The following MTDH variants were observed in gnomAD, a reference collection of about 807,000 sequenced individuals.
MTDH encodes metadherin.
MTDH carries 34 observed loss-of-function variants against 72.7 expected under a neutral mutation model. That is an observed-to-expected ratio of 0.47 (90% CI 0.36 to 0.62). The LOEUF (loss-of-function observed/expected upper bound fraction) is 0.62, where lower values mean the gene tolerates loss of function less well. Ranked by LOEUF, MTDH falls within the 20% of genes least tolerant of loss-of-function variation. MTDH has a pLI of 0.00. For missense variants in MTDH, 677 were observed against 699.4 expected (o/e 0.97, Z 0.36); for synonymous variants, 266 against 268.9 (o/e 0.99, Z 0.10).
At position 97,644,843 on chromosome 8, in the gene MTDH, G is replaced by A; in HGVS notation, c.337G>A (p.Glu113Lys). The A allele has an allele frequency of 1.3e-6, 2 of 1,577,784 alleles. No individual in the cohort carries two copies. The highest frequency in any genetic ancestry group is 1.7e-6 in the Non-Finnish European group (2 of 1,169,200). ...CTTGCTGAAGAATCTCCGGAGCGAG[G>A]AACAGAAGAAGAAGAACCGGAAGAA... ...LALLKNLRSE[E>K]QKKKNRKKLS... Residue 113 changes from glutamate (E) to lysine (K), a missense_variant, in exon 1 of 12, where the codon GAA becomes AAA. Glu to Lys is a moderately conservative substitution (Grantham distance 56). Around this residue, in one of 3 missense-constraint regions of MTDH, gnomAD observed 467 missense variants for 469.1 expected, o/e 1.00. Transcript: ENST00000336273.
At chr8:97,655,045 C>G (rs919699912) in intron 1 of MTDH, among the ~76,000 whole-genome samples, 1 of 151,670 alleles carries the variant, frequency 6.6e-6, no homozygotes, top group East Asian at 1.9e-4. Flanking sequence ...TGAGTCGAGC[C>G]GAGATCACAC....
At chr8:97,672,655 C>T (rs1164494946) in intron 2 of MTDH, among the ~76,000 whole-genome samples, 1 of 152,068 alleles carries the variant, frequency 6.6e-6, no homozygotes, top group Non-Finnish European at 1.5e-5. Flanking sequence ...ATGGTTTTAC[C>T]TTACACAGGA....
chr8:97,673,452 A>T (rs1812713313), intron 2 of MTDH, among the ~76,000 whole-genome samples: 1 of 152,184 alleles, frequency 6.6e-6, no homozygotes, highest in Non-Finnish European at 1.5e-5. Context: ...TGAGGTCAGG[A>T]GTTCAAGACC....
At chr8:97,661,918 CAAAA>C (rs11440340) in intron 2 of MTDH, among the ~76,000 whole-genome samples, 18 of 110,286 alleles carry the variant, frequency 1.6e-4, no homozygotes, top group African/African-American at 2.5e-4. Flanking sequence ...GACCCTGTCT[CAAAA>C]AAAAAAAAAA....
Position 97,727,438 on chromosome 8 carries a change from G to T in MTDH, c.*2768G>T, listed in dbSNP as rs1018782428. ...CGCTTGAACCCGGGGGGTGGAGGTT[G>T]CAGTGAGCTGAGATCGCACCACTGC... is the stretch of plus-strand genomic sequence containing the variant. On this transcript the variant is annotated 3_prime_UTR_variant, in exon 12 of 12. Coordinates refer to ENST00000336273, the MANE Select transcript of MTDH (RefSeq NM_178812.4). 1 of 149,118 alleles carries T rather than the reference G, an allele frequency of 6.7e-6. No individual in the cohort carries two copies. Among genetic ancestry groups the T allele is most frequent in the Non-Finnish European group, 1.5e-5 (1 of 67,770 alleles). 9.2% of individuals were successfully genotyped at this position (149,118 alleles called of 1,614,324 possible). A position where few individuals can be genotyped will look rare whatever the true frequency, so the allele number is the denominator to read the frequency against.
chr8:97,646,401 A>G (rs1811564482), intron 1 of MTDH, among the ~76,000 whole-genome samples: 1 of 152,258 alleles, frequency 6.6e-6, no homozygotes, highest in Admixed American at 6.5e-5. Context: ...TGTGGAGACT[A>G]TCAAGAATTA....
intron 9 of MTDH, among the ~76,000 whole-genome samples, chr8:97,714,340 C>T (rs1414964564): frequency 6.6e-6 from 1 of 152,112 alleles, no homozygotes; most frequent in Non-Finnish European, 1.5e-5. Context: ...AAGCTGGGCA[C>T]AATGGCTCAT....
chr8:97,650,415 C>T (rs529646904), intron 1 of MTDH, among the ~76,000 whole-genome samples: 334 of 152,096 alleles, frequency 2.2e-3, no homozygotes, highest in Non-Finnish European at 4.1e-3. Flanking sequence ...GCTGGGACTA[C>T]AGACGCACAC....
Position 97,727,477 on chromosome 8 carries a change from A to C in MTDH, c.*2807A>C, listed in dbSNP as rs572600584. On this transcript the variant is annotated 3_prime_UTR_variant, in exon 12 of 12. Transcript: ENST00000336273. ...TCGCACCACTGCACTCCAGCATGAA[A>C]GAGCGAGACTCAATCTCAAAAAAAA... The C allele has an allele frequency of 7.0e-6, 1 of 142,392 alleles. No individual in the cohort carries two copies. The highest frequency in any genetic ancestry group is 2.3e-4 in the South Asian group (1 of 4,302). 8.8% of individuals were successfully genotyped at this position (142,392 alleles called of 1,614,324 possible). A position where few individuals can be genotyped will look rare whatever the true frequency, so the allele number is the denominator to read the frequency against.
intron 7 of MTDH, among the ~76,000 whole-genome samples, chr8:97,700,863 T>C (rs2131034400): frequency 6.6e-6 from 1 of 152,246 alleles, no homozygotes; most frequent in South Asian, 2.1e-4. Flanking sequence ...GCCTTGGTGA[T>C]GATAGTAATC....
chr8:97,669,058 GTT>G (rs1243624307), intron 2 of MTDH, among the ~76,000 whole-genome samples: 1 of 151,950 alleles, frequency 6.6e-6, no homozygotes, highest in Non-Finnish European at 1.5e-5. Flanking sequence ...TTTCCCTTTT[GTT>G]AAACAGCTTT....
At chr8:97,674,687 CA>C (rs1812770125) in intron 2 of MTDH, among the ~76,000 whole-genome samples, 1 of 152,056 alleles carries the variant, frequency 6.6e-6, no homozygotes, top group Non-Finnish European at 1.5e-5. Context: ...AATGTTGACA[CA>C]ATAGAAGTAG....
At chr8:97,650,816 G>A (rs180886913) in intron 1 of MTDH, among the ~76,000 whole-genome samples, 3 of 151,170 alleles carry the variant, frequency 2.0e-5, no homozygotes, top group East Asian at 2.0e-4. Flanking sequence ...TGCAACCTCC[G>A]CCTCTCAGGC....
At chr8:97,685,159 T>C (rs539457005) in intron 2 of MTDH, among the ~76,000 whole-genome samples, 3 of 151,592 alleles carry the variant, frequency 2.0e-5, no homozygotes, top group Non-Finnish European at 2.9e-5. Flanking sequence ...GTGACTATTA[T>C]GGTATGTGGA....
chr8:97,701,531 G>C (rs1814129670), intron 7 of MTDH, among the ~76,000 whole-genome samples: 1 of 152,154 alleles, frequency 6.6e-6, no homozygotes, highest in East Asian at 1.9e-4. Context: ...GACTGTGTAT[G>C]AAGTATTTAA....
chr8:97,714,791 T>C (rs1814789437), intron 9 of MTDH, among the ~76,000 whole-genome samples: 1 of 152,118 alleles, frequency 6.6e-6, no homozygotes, highest in Non-Finnish European at 1.5e-5. Context: ...TTAGCCCACA[T>C]AGTAATTTTT....
At chr8:97,687,084 C>T (rs1345752958) in intron 3 of MTDH, among the ~76,000 whole-genome samples, 1 of 151,982 alleles carries the variant, frequency 6.6e-6, no homozygotes, top group Non-Finnish European at 1.5e-5. Context: ...ATTATCACCA[C>T]CTAATAAACC....
At chr8:97,687,965 T>G (rs1418161429) in intron 4 of MTDH, among the ~76,000 whole-genome samples, 2 of 152,240 alleles carry the variant, frequency 1.3e-5, no homozygotes, top group African/African-American at 4.8e-5. Context: ...ATCACCATTT[T>G]GCATGTTGAG....
At chr8:97,678,946 T>G (rs1400489763) in intron 2 of MTDH, among the ~76,000 whole-genome samples, 1 of 152,194 alleles carries the variant, frequency 6.6e-6, no homozygotes, top group Non-Finnish European at 1.5e-5. Flanking sequence ...CTGACAAACT[T>G]ACATCATTGC....
Sources: gnomAD v4.1 joint callset for allele counts (sites outside exome capture counted in the v4.1 genomes callset) on GRCh38, gnomAD v4.1.1 for gene constraint, gnomAD v4.1.1 regional missense constraint, MANE v1.5 for transcripts, NCBI Gene and HGNC (gene_info 2026-07-23, HGNC 2026-07-21) for gene names.